The following CACNA2D3 variants were observed in gnomAD, a reference collection of about 807,000 sequenced individuals.
The protein encoded by CACNA2D3 is calcium voltage-gated channel auxiliary subunit alpha2delta 3, also known as voltage-dependent calcium channel subunit alpha-2/delta-3.
CACNA2D3 carries 60 observed loss-of-function variants against 160.6 expected under a neutral mutation model. The ratio of observed to expected loss-of-function variants is 0.37; its 90% CI spans 0.30 to 0.46. The LOEUF (loss-of-function observed/expected upper bound fraction) is 0.46. Among genes scored for constraint, CACNA2D3 ranks in the 20% least tolerant of loss-of-function variants. CACNA2D3 has a pLI of 1.00. For missense variants in CACNA2D3, 1,205 were observed against 1,365.0 expected (o/e 0.88, Z 1.85); for synonymous variants, 558 against 492.9 (o/e 1.13, Z -1.75).
At chr3:54,976,476 G>C (rs1008556192) in intron 29 of CACNA2D3, among the ~76,000 whole-genome samples, 5 of 151,802 alleles carry the variant, frequency 3.3e-5, no homozygotes, top group African/African-American at 9.7e-5. Context: ...AAAACTTAAA[G>C]TATAATAATA....
chr3:54,961,951 C>G (rs1702038558), intron 27 of CACNA2D3, among the ~76,000 whole-genome samples: 1 of 152,070 alleles, frequency 6.6e-6, no homozygotes, highest in Non-Finnish European at 1.5e-5. Flanking sequence ...TCTGCAGAGT[C>G]CCAGGGAGGC....
At chr3:54,573,856 AT>A (rs950820158) in intron 8 of CACNA2D3, among the ~76,000 whole-genome samples, 1 of 152,134 alleles carries the variant, frequency 6.6e-6, no homozygotes, top group African/African-American at 2.4e-5. Flanking sequence ...GCCTCGTTGA[AT>A]TCTTATTCTT....
At chr3:54,499,710 T>C (rs139154782) in intron 4 of CACNA2D3, among the ~76,000 whole-genome samples, 3 of 152,184 alleles carry the variant, frequency 2.0e-5, no homozygotes, top group East Asian at 1.9e-4. Context: ...TTTTTTGTTA[T>C]TGATTTCCAG....
At chr3:55,032,749 C>T (rs1374379192) in intron 35 of CACNA2D3, among the ~76,000 whole-genome samples, 2 of 152,004 alleles carry the variant, frequency 1.3e-5, no homozygotes, top group African/African-American at 4.8e-5. Context: ...ATAGAAAAAC[C>T]GGTGCCTGGC....
At chr3:54,464,671 G>T (rs537618861) in intron 4 of CACNA2D3, among the ~76,000 whole-genome samples, 1 of 152,202 alleles carries the variant, frequency 6.6e-6, no homozygotes, top group Non-Finnish European at 1.5e-5. Flanking sequence ...TCCAAGTGCC[G>T]TCTGTCACCC....
chr3:54,214,184 A>G (rs1217892449), intron 2 of CACNA2D3, among the ~76,000 whole-genome samples: 1 of 152,208 alleles, frequency 6.6e-6, no homozygotes, highest in African/African-American at 2.4e-5. Flanking sequence ...CTCTGACTGA[A>G]TTAATCAGTT....
At chr3:54,278,656 A>T (rs183722286) in intron 2 of CACNA2D3, among the ~76,000 whole-genome samples, 17 of 152,334 alleles carry the variant, frequency 1.1e-4, no homozygotes, top group African/African-American at 4.1e-4. Context: ...ATGCAGCCAT[A>T]AAAAAGAATG....
At position 54,832,018 on chromosome 3, in the gene CACNA2D3, C is replaced by T. The variant is rs865963612; in HGVS notation, c.1399-5141C>T. Among the ~76,000 whole-genome samples, 1,195 of 127,582 alleles carry T rather than the reference C, an allele frequency of 9.4e-3. 36 individuals are homozygous for T. The highest frequency in any genetic ancestry group is 0.013 in the African/African-American group (442 of 33,960). The allele number at this position is 127,582 out of a possible 152,430, so 83.7% of individuals were successfully genotyped here. ...TTATCTCTCTCTTCTCTGTCACACA[C>T]ACACACACACACACACACACACACA... On this transcript the variant is annotated intron_variant, in intron 14 of 37. Coordinates refer to ENST00000474759, the MANE Select transcript of CACNA2D3 (RefSeq NM_018398.3).
chr3:54,510,971 T>C lies in CACNA2D3; in HGVS notation c.544+7317T>C, dbSNP rs571267390. ...CTTCCATTCAGCCCTGTTTGTAGAA[T>C]GAAGTGCAAACACGCTCACAAACCA... On this transcript the variant is annotated intron_variant, in intron 5 of 37. Coordinates refer to ENST00000474759, the MANE Select transcript of CACNA2D3 (RefSeq NM_018398.3). 5.9e-5 allele frequency among the ~76,000 whole-genome samples: 9 copies of C among 152,302 alleles called. 1 individual carries two copies. The South Asian group carries it at 1.7e-3, about 28-fold the overall frequency.
chr3:55,045,169 C>T (rs758014781), intron 35 of CACNA2D3, among the ~76,000 whole-genome samples: 1 of 152,270 alleles, frequency 6.6e-6, no homozygotes, highest in Non-Finnish European at 1.5e-5. Context: ...CTGCTTCAGC[C>T]TCCCAAGTAG....
Position 54,706,134 on chromosome 3 carries a change from A to G in CACNA2D3, c.1168-46465A>G, listed in dbSNP as rs548593027. ...ATCCAGCATTCCTTTGACTAGAAGC[A>G]TTTGCGTGAAGACCCAGCAGTGCAC... On this transcript the variant is annotated intron_variant, in intron 11 of 37. Coordinates refer to ENST00000474759, the MANE Select transcript of CACNA2D3 (RefSeq NM_018398.3). Among the ~76,000 whole-genome samples, 16 of 152,298 alleles carry G rather than the reference A, an allele frequency of 1.1e-4. No individual in the cohort carries two copies. In the South Asian group the frequency reaches 2.7e-3, roughly 26 times the overall value.
chr3:54,678,449 G>A (rs769524615), intron 11 of CACNA2D3, among the ~76,000 whole-genome samples: 3 of 152,034 alleles, frequency 2.0e-5, no homozygotes, highest in East Asian at 1.9e-4. Flanking sequence ...CTGGCCGGGC[G>A]CGGTGGCTCA....
intron 2 of CACNA2D3, among the ~76,000 whole-genome samples, chr3:54,200,525 A>T (rs1219656071): frequency 1.3e-5 from 2 of 152,218 alleles, no homozygotes; most frequent in Non-Finnish European, 2.9e-5. Flanking sequence ...AAATACACCG[A>T]GTGCCTCCTA....
chr3:54,345,212 C>G (rs1166613563), intron 3 of CACNA2D3, among the ~76,000 whole-genome samples: 8 of 152,236 alleles, frequency 5.3e-5, no homozygotes, highest in Non-Finnish European at 2.9e-5. Context: ...GCCCTGCAGA[C>G]TGACCCTGAA....
chr3:54,320,948 G>A (rs1357041130), intron 3 of CACNA2D3, among the ~76,000 whole-genome samples: 1 of 152,208 alleles, frequency 6.6e-6, no homozygotes, highest in Admixed American at 6.5e-5. Flanking sequence ...TTCTCAAATG[G>A]TTGCATAACA....
intron 35 of CACNA2D3, among the ~76,000 whole-genome samples, chr3:55,049,853 T>C (rs1704148900): frequency 6.8e-6 from 1 of 146,264 alleles, no homozygotes; most frequent in Admixed American, 6.7e-5. Flanking sequence ...TTTACCATTA[T>C]GTAATAGCCT....
intron 11 of CACNA2D3, among the ~76,000 whole-genome samples, chr3:54,713,484 G>A (rs1260908645): frequency 6.6e-6 from 1 of 152,226 alleles, no homozygotes; most frequent in Non-Finnish European, 1.5e-5. Flanking sequence ...TGTATAGCCT[G>A]TGTAAGAGAA....
At position 54,303,818 on chromosome 3, in the gene CACNA2D3, G is replaced by GTTTTTTTTTTT. The variant is rs71617795; in HGVS notation, c.205-16614_205-16604dup. ...CAGCCTCATCAGTGACTTTTTTTCT[G>GTTTTTTTTTTT]TTTTTTTTTTTTTTTTTTTTCTATT... On this transcript the variant is annotated intron_variant, in intron 2 of 37. Transcript: ENST00000474759. Among the ~76,000 whole-genome samples the GTTTTTTTTTTT allele has an allele frequency of 1.7e-3, 191 of 115,010 alleles. 3 individuals carry two copies. The highest frequency in any genetic ancestry group is 3.1e-3 in the African/African-American group (91 of 29,550). 75.5% of individuals were successfully genotyped at this position (115,010 alleles called of 152,430 possible). A position where few individuals can be genotyped will look rare whatever the true frequency, so the allele number is the denominator to read the frequency against.
intron 4 of CACNA2D3, among the ~76,000 whole-genome samples, chr3:54,423,368 C>A (rs1699866398): frequency 6.6e-6 from 1 of 152,094 alleles, no homozygotes; most frequent in Non-Finnish European, 1.5e-5. Flanking sequence ...AGCTTGCAAC[C>A]TGGCATTTTT....
Sources: gnomAD v4.1 joint callset for allele counts (sites outside exome capture counted in the v4.1 genomes callset) on GRCh38, gnomAD v4.1.1 for gene constraint, MANE v1.5 for transcripts, NCBI Gene and HGNC (gene_info 2026-07-23, HGNC 2026-07-21) for gene names.